The following WDR7 variants were observed in gnomAD, a reference collection of about 807,000 sequenced individuals.
WDR7 encodes the protein WD repeat domain 7.
A neutral mutation model predicts 169.4 loss-of-function variants in WDR7; 46 were observed. That is an observed-to-expected ratio of 0.27 (90% CI 0.21 to 0.35). WDR7 has a LOEUF of 0.35. Among genes scored for constraint, WDR7 ranks in the 10% least tolerant of loss-of-function variants. The pLI is 1.00. For synonymous variants in WDR7, 612 were observed against 666.8 expected (o/e 0.92, Z 1.27); for missense variants, 1,534 against 1,859.3 (o/e 0.83, Z 3.22).
intron 23 of WDR7, 63 bp downstream of exon 23, chr18:56,935,968 C>T: frequency 7.0e-7 from 1 of 1,426,524 alleles, no homozygotes; most frequent in Non-Finnish European, 9.6e-7. Flanking sequence ...ATACTATAAG[C>T]TGAGGGTTCA....
intron 19 of WDR7, among the ~76,000 whole-genome samples, chr18:56,808,981 C>T (rs1428589425): frequency 6.6e-6 from 1 of 151,938 alleles, no homozygotes; most frequent in Non-Finnish European, 1.5e-5. Flanking sequence ...CTTTCTTGTC[C>T]TCTAATTCTC....
At chr18:56,931,584 G>A (rs142966006) in intron 22 of WDR7, among the ~76,000 whole-genome samples, 311 of 152,266 alleles carry the variant, frequency 2.0e-3, no homozygotes, top group African/African-American at 7.2e-3. Flanking sequence ...GAATTGTCAG[G>A]CATGTTTCAA....
At chr18:56,875,216 G>T (rs2046006893) in intron 20 of WDR7, among the ~76,000 whole-genome samples, 1 of 152,118 alleles carries the variant, frequency 6.6e-6, no homozygotes. Context: ...ATTTTTAAAA[G>T]AACTTAGGAT....
chr18:56,769,242 C>T (rs1237689863), intron 16 of WDR7, among the ~76,000 whole-genome samples: 6 of 149,710 alleles, frequency 4.0e-5, no homozygotes, highest in Non-Finnish European at 5.9e-5. Flanking sequence ...TCCTTTGAGA[C>T]GGAGTCTCAC....
intron 19 of WDR7, among the ~76,000 whole-genome samples, chr18:56,792,713 CTTAA>C (rs1360205649): frequency 6.7e-6 from 1 of 148,766 alleles, no homozygotes; most frequent in Non-Finnish European, 1.5e-5. Context: ...TTGAAAACTG[CTTAA>C]TTATCTGCTC....
intron 21 of WDR7, among the ~76,000 whole-genome samples, chr18:56,897,046 AC>A (rs1296463274): frequency 6.6e-6 from 1 of 151,920 alleles, no homozygotes. Context: ...GATGGCCAGT[AC>A]ACTTATGAAA....
At chr18:56,916,525 T>C (rs954540818) in intron 21 of WDR7, among the ~76,000 whole-genome samples, 3 of 152,140 alleles carry the variant, frequency 2.0e-5, no homozygotes, top group African/African-American at 7.2e-5. Context: ...AGACAAAAAT[T>C]TAAAAAAGGA....
intron 16 of WDR7, among the ~76,000 whole-genome samples, chr18:56,765,135 A>G (rs929804810): frequency 4.6e-5 from 7 of 151,908 alleles, no homozygotes; most frequent in Admixed American, 4.6e-4. Flanking sequence ...TTGGCTCTTT[A>G]TATTTAAGAT....
chr18:56,665,168 C>G (rs974725111), intron 1 of WDR7, among the ~76,000 whole-genome samples: 3 of 151,970 alleles, frequency 2.0e-5, no homozygotes, highest in African/African-American at 7.3e-5. Context: ...TAGCGGGCGC[C>G]TGTAATCCCA....
At chr18:56,922,377 A>G (rs1268873485) in intron 21 of WDR7, among the ~76,000 whole-genome samples, 3 of 152,176 alleles carry the variant, frequency 2.0e-5, no homozygotes, top group African/African-American at 7.2e-5. Flanking sequence ...ATTTAAAAAT[A>G]TGAGCATTTC....
chr18:56,942,804 T>C (rs1466574838), intron 25 of WDR7, among the ~76,000 whole-genome samples: 1 of 152,206 alleles, frequency 6.6e-6, no homozygotes, highest in Non-Finnish European at 1.5e-5. Context: ...TAAGCAAAAA[T>C]GTGTAATTCT....
chr18:56,789,838 T>C (rs1461030906), intron 19 of WDR7, among the ~76,000 whole-genome samples: 2 of 152,248 alleles, frequency 1.3e-5, no homozygotes, highest in Non-Finnish European at 2.9e-5. Flanking sequence ...ACTTACCATC[T>C]GCTTTAAGAA....
intron 14 of WDR7, among the ~76,000 whole-genome samples, chr18:56,745,435 C>T (rs551683411): frequency 2.7e-4 from 41 of 152,266 alleles, no homozygotes; most frequent in Middle Eastern, 3.4e-3. Flanking sequence ...TCGTGGAAGA[C>T]GGTTTTTCCA....
intron 18 of WDR7, 122 bp from the exon 19 acceptor site, chr18:56,781,411 A>G: frequency 4.6e-6 from 5 of 1,096,194 alleles, no homozygotes; most frequent in Non-Finnish European, 6.0e-6. Flanking sequence ...AGTGTTTTTC[A>G]TGTAAATAAA....
chr18:56,818,396 T>C (rs866351738), intron 20 of WDR7, among the ~76,000 whole-genome samples: 11 of 152,214 alleles, frequency 7.2e-5, no homozygotes, highest in South Asian at 4.1e-4. Context: ...CAAATCTAAT[T>C]TGAAGAGTCT....
At chr18:57,022,189 C>T (rs574131140) in intron 27 of WDR7, among the ~76,000 whole-genome samples, 59 of 152,320 alleles carry the variant, frequency 3.9e-4, no homozygotes, top group Middle Eastern at 3.4e-3. Flanking sequence ...TGGGCTTTTG[C>T]AGCAGTGGTT....
At chr18:57,010,337 T>G (rs2048119419) in intron 26 of WDR7, 1 of 970,866 alleles carries the variant, frequency 1.0e-6, no homozygotes, top group Non-Finnish European at 1.2e-6. Context: ...TTCACTATTC[T>G]TTTATTTAAA....
chr18:56,971,313 AT>A (rs2047482375), intron 26 of WDR7, among the ~76,000 whole-genome samples: 1 of 150,014 alleles, frequency 6.7e-6, no homozygotes, highest in Non-Finnish European at 1.5e-5. Context: ...CACCCCCACT[AT>A]TGGCCTGTTT....
intron 26 of WDR7, among the ~76,000 whole-genome samples, chr18:56,987,455 A>G (rs1446019980): frequency 1.3e-5 from 2 of 152,128 alleles, no homozygotes; most frequent in African/African-American, 2.4e-5. Context: ...TCCAGCTAAA[A>G]TAAGACTCCA....
Sources: allele counts gnomAD v4.1 joint callset (sites outside exome capture counted in the v4.1 genomes callset), GRCh38; gene constraint gnomAD v4.1.1; transcripts MANE v1.5; gene names NCBI Gene and HGNC (gene_info 2026-07-23, HGNC 2026-07-21).